The following STPG2 variants were observed in gnomAD, a reference collection of about 807,000 sequenced individuals.
STPG2 encodes sperm tail PG-rich repeat containing 2.
Under a neutral mutation model 54.2 loss-of-function variants are expected in STPG2, and 56 were observed. The ratio of observed to expected loss-of-function variants is 1.03; its 90% CI spans 0.83 to 1.29. The LOEUF (loss-of-function observed/expected upper bound fraction) is 1.29, where lower values mean the gene tolerates loss of function less well. STPG2 is among the 50% of genes most tolerant of loss of function. The pLI is 0.00. For missense variants in STPG2, 596 were observed against 544.9 expected (o/e 1.09, Z -0.93); for synonymous variants, 200 against 181.8 (o/e 1.10, Z -0.81).
At chr4:97,537,357 A>T (rs1009817976) in intron 4 of STPG2, among the ~76,000 whole-genome samples, 1 of 152,140 alleles carries the variant, frequency 6.6e-6, no homozygotes, top group Non-Finnish European at 1.5e-5. Context: ...AATATTGCAC[A>T]TTTCCAACAG....
At chr4:97,626,133 A>T (rs1734132606) in intron 10 of STPG2, among the ~76,000 whole-genome samples, 1 of 152,308 alleles carries the variant, frequency 6.6e-6, no homozygotes, top group Middle Eastern at 3.4e-3. Flanking sequence ...ACATATTTAC[A>T]TGTGTCTTAA....
intron 4 of STPG2, among the ~76,000 whole-genome samples, chr4:97,447,901 G>A (rs1729266703): frequency 6.6e-6 from 1 of 152,248 alleles, no homozygotes; most frequent in African/African-American, 2.4e-5. Flanking sequence ...AGAATAGTAG[G>A]TCTACTGACA....
chr4:98,020,822 T>C (rs1736157655), intron 5 of STPG2, among the ~76,000 whole-genome samples: 1 of 152,206 alleles, frequency 6.6e-6, no homozygotes, highest in African/African-American at 2.4e-5. Context: ...GTTTGTAGTA[T>C]TCTCTGATGG....
At chr4:97,966,943 A>G (rs1411212194) in intron 7 of STPG2, among the ~76,000 whole-genome samples, 1 of 152,204 alleles carries the variant, frequency 6.6e-6, no homozygotes, top group South Asian at 2.1e-4. Context: ...AGGAAGAAAC[A>G]GCATCAACTA....
At chr4:97,500,787 T>G (rs148522504) in intron 4 of STPG2, among the ~76,000 whole-genome samples, 1 of 152,018 alleles carries the variant, frequency 6.6e-6, no homozygotes, top group Non-Finnish European at 1.5e-5. Context: ...AGCCACACGG[T>G]GATTACTGTT....
At chr4:97,917,569 TG>T (rs933316522) in intron 8 of STPG2, among the ~76,000 whole-genome samples, 22 of 152,316 alleles carry the variant, frequency 1.4e-4, no homozygotes, top group Admixed American at 8.5e-4. Flanking sequence ...CAAAACATAA[TG>T]GTTAAAACTT....
At chr4:97,516,246 T>C (rs547842514) in intron 4 of STPG2, among the ~76,000 whole-genome samples, 45 of 152,196 alleles carry the variant, frequency 3.0e-4, no homozygotes, top group Admixed American at 1.1e-3. Context: ...TTTGTAGTAA[T>C]TTTCATTTTA....
At chr4:97,897,733 T>C (rs186158009) in intron 8 of STPG2, among the ~76,000 whole-genome samples, 1 of 152,262 alleles carries the variant, frequency 6.6e-6, no homozygotes, top group African/African-American at 2.4e-5. Context: ...TCACATCCTT[T>C]GTCTATTTTT....
chr4:97,804,101 C>T (rs1727480331), intron 9 of STPG2, among the ~76,000 whole-genome samples: 1 of 152,160 alleles, frequency 6.6e-6, no homozygotes, highest in African/African-American at 2.4e-5. Flanking sequence ...TTATTTCTGC[C>T]TTTATTTTCC....
chr4:97,592,308 G>T (rs554435587), intron 10 of STPG2, among the ~76,000 whole-genome samples: 2 of 151,886 alleles, frequency 1.3e-5, no homozygotes, highest in African/African-American at 2.4e-5. Context: ...CACTTAAAAG[G>T]TCTGCTTCAT....
At position 97,981,031 on chromosome 4, in the gene STPG2, T is replaced by C. The variant is rs1205707159; in HGVS notation, c.772+128A>G. ...AATGTATAGTGAATGCTTTAAAAAA[T>C]GTTGACTTAAAATGACACCAACCAT... On this transcript the variant is annotated intron_variant, in intron 6 of 10. Coordinates refer to ENST00000295268, the MANE Select transcript of STPG2 (RefSeq NM_174952.3). 13 of 916,222 alleles carry C rather than the reference T, an allele frequency of 1.4e-5. No homozygotes were observed. The African/African-American group carries it at 2.0e-4, about 14-fold the overall frequency. 56.8% of individuals were successfully genotyped at this position (916,222 alleles called of 1,614,324 possible).
At chr4:97,608,244 C>A (rs1463354941) in intron 10 of STPG2, among the ~76,000 whole-genome samples, 2 of 151,862 alleles carry the variant, frequency 1.3e-5, no homozygotes, top group African/African-American at 2.4e-5. Flanking sequence ...TGTAACATGG[C>A]CTGTTTTCTA....
At chr4:97,457,080 A>G (rs578006599) in intron 4 of STPG2, among the ~76,000 whole-genome samples, 6 of 152,284 alleles carry the variant, frequency 3.9e-5, no homozygotes, top group Admixed American at 3.9e-4. Flanking sequence ...CCGAATGATC[A>G]AAAAGCAAAA....
chr4:97,882,305 A>G (rs2123099), intron 8 of STPG2, among the ~76,000 whole-genome samples: 88,402 of 151,654 alleles, frequency 0.58, 26,301 homozygotes, highest in East Asian at 0.74. Context: ...CTTGGGGAGG[A>G]AAATAGCTGC....
chr4:98,110,402 C>T (rs1198170232), intron 3 of STPG2, among the ~76,000 whole-genome samples: 1 of 152,132 alleles, frequency 6.6e-6, no homozygotes, highest in Non-Finnish European at 1.5e-5. Context: ...CAGCATATGA[C>T]CCTCTAGGCG....
At chr4:97,920,426 T>A (rs1333879624) in intron 8 of STPG2, among the ~76,000 whole-genome samples, 1 of 152,198 alleles carries the variant, frequency 6.6e-6, no homozygotes, top group Non-Finnish European at 1.5e-5. Flanking sequence ...ATGCTACTCG[T>A]GCCACTGGAC....
In STPG2 at chr4:97,917,908, GA is replaced by G. The variant is rs1192657726; in HGVS notation, c.1044+25988del. Among the ~76,000 whole-genome samples the G allele has an allele frequency of 5.9e-5, 9 of 151,492 alleles. No individual in the cohort carries two copies. In the East Asian group the frequency reaches 1.7e-3, roughly 29 times the overall value. The stretch of plus-strand genomic sequence containing the variant: ...CGTTGAGGTAGGACACTACTCATAG[GA>G]AAAAAAAGAGTGGCTGTTGACTTGC... On this transcript the variant is annotated intron_variant, in intron 8 of 10. Transcript: ENST00000295268.
intron 3 of STPG2, among the ~76,000 whole-genome samples, chr4:98,126,213 A>G (rs1006532748): frequency 6.6e-6 from 1 of 152,028 alleles, no homozygotes; most frequent in African/African-American, 2.4e-5. Flanking sequence ...CCCCCTTCCT[A>G]CAGGAGTGGA....
chr4:97,447,129 A>G (rs1361528884), intron 4 of STPG2, among the ~76,000 whole-genome samples: 1 of 152,186 alleles, frequency 6.6e-6, no homozygotes, highest in Non-Finnish European at 1.5e-5. Flanking sequence ...CTCATTGGGA[A>G]CTGGAGTAAA....
Sources: gnomAD v4.1 joint callset for allele counts (sites outside exome capture counted in the v4.1 genomes callset) on GRCh38, gnomAD v4.1.1 for gene constraint, MANE v1.5 for transcripts, NCBI Gene and HGNC (gene_info 2026-07-23, HGNC 2026-07-21) for gene names.